TENM2: variants seen among roughly 807,000 people sequenced by gnomAD.
TENM2 encodes teneurin transmembrane protein 2.
A neutral mutation model predicts 245.2 loss-of-function variants in TENM2; 52 were observed. The observed-to-expected ratio is 0.21, with a 90% CI of 0.17 to 0.27. TENM2 has a LOEUF of 0.27. TENM2 is among the 10% of genes least tolerant of loss of function. The pLI is 1.00. For missense variants in TENM2, 3,046 were observed against 3,666.8 expected (o/e 0.83, Z 4.37); for synonymous variants, 1,363 against 1,438.9 (o/e 0.95, Z 1.19).
rs371231665 is a variant in TENM2, at chr5:167,304,213, G to A, written c.226+19150G>A. ...GATAAATGCTTCTTCCCCTCATCCT[G>A]AGATGCACAGCCTAAGGCTCCTGGG... On this transcript the variant is annotated intron_variant, in intron 1 of 28. Coordinates refer to ENST00000518659, the Ensembl canonical transcript of TENM2. 1.2e-4 allele frequency among the ~76,000 whole-genome samples: 18 copies of A among 152,316 alleles called. No individual in the cohort carries two copies. The South Asian group carries it at 1.9e-3, about 16-fold the overall frequency.
At chr5:167,649,785 T>C (rs1582650235) in intron 2 of TENM2, among the ~76,000 whole-genome samples, 1 of 152,184 alleles carries the variant, frequency 6.6e-6, no homozygotes, top group African/African-American at 2.4e-5. Flanking sequence ...GATCCTCTTA[T>C]ATGTGAATCC....
At chr5:167,350,819 G>GGATATATACATACGGAT (rs1561883795) in intron 1 of TENM2, among the ~76,000 whole-genome samples, 2 of 96,476 alleles carry the variant, frequency 2.1e-5, no homozygotes, top group Non-Finnish European at 4.3e-5. Context: ...TATACATATG[G>GGATATATACATACGGAT]ATATATATAT....
intron 2 of TENM2, among the ~76,000 whole-genome samples, chr5:167,793,400 CTAAA>C (rs1765111552): frequency 6.6e-6 from 1 of 152,042 alleles, no homozygotes; most frequent in East Asian, 1.9e-4. Flanking sequence ...GTAGATTATG[CTAAA>C]TACTTAATAA....
chr5:167,010,604 A>G, the TENM2 span, among the ~76,000 whole-genome samples: 1 of 152,250 alleles, frequency 6.6e-6, no homozygotes, highest in African/African-American at 2.4e-5. Context: ...AGAGTTAGCT[A>G]TTCTGCCACG....
chr5:167,528,008 C>T (rs1287331061), intron 2 of TENM2, among the ~76,000 whole-genome samples: 1 of 152,078 alleles, frequency 6.6e-6, no homozygotes, highest in African/African-American at 2.4e-5. Flanking sequence ...CCATTAAATT[C>T]TTTTTAATAA....
intron 3 of TENM2, among the ~76,000 whole-genome samples, chr5:167,897,118 C>T (rs531983058): frequency 1.1e-4 from 16 of 152,318 alleles, no homozygotes; most frequent in African/African-American, 3.6e-4. Context: ...ATTCTCCCCT[C>T]GCTTCCTGAT....
intron 6 of TENM2, among the ~76,000 whole-genome samples, chr5:168,053,476 T>C (rs1349671124): frequency 6.6e-6 from 1 of 152,194 alleles, no homozygotes; most frequent in African/African-American, 2.4e-5. Context: ...TATGTACCTG[T>C]GGTATACCTC....
At chr5:167,387,772 TG>T (rs1761527530) in intron 2 of TENM2, among the ~76,000 whole-genome samples, 1 of 152,170 alleles carries the variant, frequency 6.6e-6, no homozygotes, top group South Asian at 2.1e-4. Context: ...TCTGTTGAGA[TG>T]ATCATGTGAT....
intron 3 of TENM2, among the ~76,000 whole-genome samples, chr5:167,878,409 A>G (rs1220523104): frequency 2.0e-5 from 3 of 152,166 alleles, no homozygotes; most frequent in Admixed American, 1.3e-4. Context: ...GATTTCTTCA[A>G]CTGAGGGAGT....
chr5:167,609,802 C>T (rs1339128328), intron 2 of TENM2, among the ~76,000 whole-genome samples: 2 of 152,134 alleles, frequency 1.3e-5, no homozygotes. Context: ...ACACGGAATA[C>T]TTAACTTCTG....
intron 1 of TENM2, chr5:167,287,330 C>T (rs1581667405): frequency 6.6e-6 from 1 of 152,156 alleles, no homozygotes; most frequent in East Asian, 1.9e-4. Context: ...AAATGTCATG[C>T]ATTTCCCATT....
At chr5:167,839,866 G>A (rs554782564) in intron 2 of TENM2, among the ~76,000 whole-genome samples, 3 of 152,262 alleles carry the variant, frequency 2.0e-5, no homozygotes, top group Admixed American at 2.0e-4. Context: ...TGTACAGGCT[G>A]GAGTGCAGTG....
chr5:168,232,772 C>CTT (rs1042124896), intron 25 of TENM2, among the ~76,000 whole-genome samples: 1 of 152,222 alleles, frequency 6.6e-6, no homozygotes, highest in Non-Finnish European at 1.5e-5. Context: ...GGAGGCATCT[C>CTT]TTAGTGGAGG....
chr5:167,212,394 G>A, the TENM2 span, among the ~76,000 whole-genome samples: 11 of 152,072 alleles, frequency 7.2e-5, no homozygotes, highest in South Asian at 2.1e-4. Flanking sequence ...TAAATGTGCC[G>A]CACAGATGGG....
At chr5:168,258,804 T>C (rs560634148) in intron 27 of TENM2, among the ~76,000 whole-genome samples, 1 of 152,188 alleles carries the variant, frequency 6.6e-6, no homozygotes, top group Non-Finnish European at 1.5e-5. Flanking sequence ...GATGGTTGCA[T>C]AACATTGTGA....
At chr5:168,250,777 G>A (rs1304219436) in intron 27 of TENM2, among the ~76,000 whole-genome samples, 1 of 152,120 alleles carries the variant, frequency 6.6e-6, no homozygotes, top group African/African-American at 2.4e-5. Context: ...CCCTGCCAGG[G>A]CTTCCCCGCT....
At chr5:168,158,712 C>A (rs867934637) in intron 12 of TENM2, among the ~76,000 whole-genome samples, 1 of 149,768 alleles carries the variant, frequency 6.7e-6, no homozygotes, top group East Asian at 2.0e-4. Flanking sequence ...GTAATCCCAG[C>A]ACTTTGGGAG....
chr5:168,127,841 C>A (rs1795964018), intron 12 of TENM2, among the ~76,000 whole-genome samples: 1 of 152,192 alleles, frequency 6.6e-6, no homozygotes, highest in African/African-American at 2.4e-5. Flanking sequence ...TACTTGCCTG[C>A]ATGGAAATTC....
At chr5:167,804,339 G>T (rs1765995639) in intron 2 of TENM2, among the ~76,000 whole-genome samples, 1 of 152,116 alleles carries the variant, frequency 6.6e-6, no homozygotes. Flanking sequence ...CTGTTTGCAA[G>T]AGCTGATCCT....
Sources: allele counts gnomAD v4.1 joint callset (sites outside exome capture counted in the v4.1 genomes callset), GRCh38; gene constraint gnomAD v4.1.1; transcripts MANE v1.5; gene names NCBI Gene and HGNC (gene_info 2026-07-23, HGNC 2026-07-21).